Variants in DEFA4 observed in about 807,000 individuals in gnomAD.
DEFA4 encodes the protein corticostatin.
Under a neutral mutation model 4.4 loss-of-function variants are expected in DEFA4, and 8 were observed. The ratio of observed to expected loss-of-function variants is 1.82; its 90% confidence interval spans 1.07 to 3.29. DEFA4 has a LOEUF of 3.29. DEFA4 is among the 30% of genes most tolerant of loss of function. DEFA4 has a pLI of 0.00. For missense variants in DEFA4, 216 were observed against 127.0 expected (o/e 1.70, Z -3.37); for synonymous variants, 77 against 46.5 (o/e 1.66, Z -2.67).
intron 2 of DEFA4, among the ~76,000 whole-genome samples, chr8:6,936,457 CT>C (rs1808853835): frequency 6.6e-6 from 1 of 152,162 alleles, no homozygotes; most frequent in Non-Finnish European, 1.5e-5. Context: ...ATAATATCTA[CT>C]TGTTTAGATC....
intron 2 of DEFA4, 111 bp from the exon 3 acceptor site, chr8:6,936,252 G>C (rs1808845326): frequency 7.1e-7 from 1 of 1,413,076 alleles, no homozygotes; most frequent in African/African-American, 1.4e-5. Flanking sequence ...GGCTGCATTA[G>C]TGCCGGTAGC....
At chr8:6,936,682 T>A (rs1251177450) in intron 2 of DEFA4, 46 bp downstream of exon 2, 3 of 1,499,572 alleles carry the variant, frequency 2.0e-6, no homozygotes, top group African/African-American at 2.8e-5. Context: ...CCATCTCCCA[T>A]CCGTCTCTCT....
At position 6,936,008 on chromosome 8, in the gene DEFA4, G is replaced by C. The variant is rs1292014510; in HGVS notation, c.*12C>G. On this transcript the variant is annotated 3_prime_UTR_variant, in exon 3 of 3. Transcript: ENST00000297435. ...GCGTTCCCAGCATGACATTCTCTTG[G>C]ACAGCAGAACGTTAATCGACACGCG... 3.7e-6 allele frequency: 6 copies of C among 1,613,560 alleles called. No homozygotes were observed. Among genetic ancestry groups the C allele is most frequent in the Non-Finnish European group, 2.5e-6 (3 of 1,179,744 alleles).
chr8:6,938,191 C>A (rs1264752075), intron 1 of DEFA4, 35 bp downstream of exon 1: 1 of 152,140 alleles, frequency 6.6e-6, no homozygotes, highest in Non-Finnish European at 1.5e-5. Context: ...AATATTGAAA[C>A]CTCAATGTGA....
At chr8:6,937,544 T>C (rs1423207219) in intron 1 of DEFA4, among the ~76,000 whole-genome samples, 1 of 151,708 alleles carries the variant, frequency 6.6e-6, no homozygotes, top group African/African-American at 2.4e-5. Flanking sequence ...GCTAGGTGCA[T>C]ACACGTGGTC....
chr8:6,935,930 C>G lies in DEFA4; in HGVS notation c.*90G>C. Reference sequence around the variant, plus strand: ...AAGCAAATTATGAGCTCATTTTTCTCTATTCTGCAAGCTCAGCTGCAGAAG... The same window carrying G: ...AAGCAAATTATGAGCTCATTTTTCTGTATTCTGCAAGCTCAGCTGCAGAAG... On this transcript the variant is annotated 3_prime_UTR_variant, in exon 3 of 3. Transcript: ENST00000297435. The G allele has an allele frequency of 3.2e-6, 5 of 1,582,730 alleles. No individual in the cohort carries two copies. The highest frequency in any genetic ancestry group is 4.3e-6 in the Non-Finnish European group (5 of 1,155,262).
Position 6,936,891 on chromosome 8 carries a change from A to G in DEFA4, c.9T>C (p.Ile3=), listed in dbSNP as rs775138256. Reference sequence around the variant, plus strand: ...AGAGAATAGCAGCGAGGAGGGCGATAATCCTCATGGCTGGGGTGACCTGGA... The same window carrying G: ...AGAGAATAGCAGCGAGGAGGGCGATGATCCTCATGGCTGGGGTGACCTGGA... MR[I]IALLAAILLV... The change falls in exon 2 of 3, where the codon ATT becomes ATC. Residue 3 remains isoleucine, a synonymous_variant. Coordinates refer to ENST00000297435, the MANE Select transcript of DEFA4 (RefSeq NM_001925.3). 4 of 1,604,492 alleles carry G rather than the reference A, an allele frequency of 2.5e-6. No homozygotes were observed. The highest frequency in any genetic ancestry group is 1.1e-5 in the South Asian group (1 of 89,372).
At chr8:6,937,751 T>C (rs1046135404) in intron 1 of DEFA4, among the ~76,000 whole-genome samples, 6 of 152,136 alleles carry the variant, frequency 3.9e-5, no homozygotes, top group Non-Finnish European at 8.8e-5. Flanking sequence ...CAAGCGGGGC[T>C]GCATTGAACG....
intron 1 of DEFA4, among the ~76,000 whole-genome samples, chr8:6,937,497 G>A (rs1265543170): frequency 6.6e-6 from 1 of 152,160 alleles, no homozygotes; most frequent in East Asian, 1.9e-4. Flanking sequence ...AATGAGCTCA[G>A]TGAGAGAGAT....
At chr8:6,936,162 T>A (rs760899482) in intron 2 of DEFA4, 21 bp from the exon 3 acceptor site, 1 of 1,612,506 alleles carries the variant, frequency 6.2e-7, no homozygotes, top group South Asian at 1.1e-5. Flanking sequence ...AGAGGAAGCA[T>A]GAGAAATTAA....
rs749444927 is a variant in DEFA4, at chr8:6,936,028, C to T, written c.286G>A (p.Val96Ile). 1 of 1,613,888 alleles carries T rather than the reference C, an allele frequency of 6.2e-7. No individual in the cohort carries two copies. The highest frequency in any genetic ancestry group is 1.1e-5 in the South Asian group (1 of 90,976). ...TCTTGGACAGCAGAACGTTAATCGA[C>T]ACGCGTGCAGCAGTATGTGAAACTC... The part of the protein sequence containing the change: ...GVSFTYCCTR[V>I]D The change falls in exon 3 of 3, where the codon GTC (valine) becomes ATC (isoleucine). Residue 96 changes from valine (V) to isoleucine (I), a missense_variant. Transcript: ENST00000297435.
chr8:6,935,909 A>G lies in DEFA4; in HGVS notation c.*111T>C. The G allele has an allele frequency of 6.6e-7, 1 of 1,508,612 alleles. No homozygotes were observed. The allele number at this position is 1,508,612 out of a possible 1,614,324, so 93.5% of individuals were successfully genotyped here. ...AACCATTTCCTGTAGCTCTCAAAGCAAATTATGAGCTCATTTTTCTCTATT... is the reference window on the plus strand; with the variant it reads ...AACCATTTCCTGTAGCTCTCAAAGCGAATTATGAGCTCATTTTTCTCTATT... On this transcript the variant is annotated 3_prime_UTR_variant, in exon 3 of 3. Transcript: ENST00000297435.
At chr8:6,937,549 G>A (rs1165358830) in intron 1 of DEFA4, among the ~76,000 whole-genome samples, 4 of 151,568 alleles carry the variant, frequency 2.6e-5, no homozygotes, top group African/African-American at 9.8e-5. Flanking sequence ...GTGCATACAC[G>A]TGGTCCTTTC....
intron 2 of DEFA4, 75 bp downstream of exon 2, chr8:6,936,653 T>G: frequency 3.0e-5 from 42 of 1,401,576 alleles, no homozygotes; most frequent in South Asian, 3.4e-5. Context: ...CATCCACCAT[T>G]GAGATGTGAT....
At chr8:6,936,420 T>G (rs1376172171) in intron 2 of DEFA4, among the ~76,000 whole-genome samples, 3 of 152,172 alleles carry the variant, frequency 2.0e-5, no homozygotes, top group Non-Finnish European at 2.9e-5. Flanking sequence ...AAAATTTCCT[T>G]TGTTGGCAGA....
intron 1 of DEFA4, among the ~76,000 whole-genome samples, chr8:6,937,987 G>A (rs902191736): frequency 7.2e-5 from 11 of 152,168 alleles, no homozygotes; most frequent in African/African-American, 1.4e-4. Flanking sequence ...AGCTGTGATC[G>A]TCTTTATTGG....
chr8:6,935,985 G>T lies in DEFA4; in HGVS notation c.*35C>A. 1.9e-6 allele frequency: 3 copies of T among 1,611,762 alleles called. No homozygotes were observed. Among genetic ancestry groups the T allele is most frequent in the Non-Finnish European group, 2.5e-6 (3 of 1,178,162 alleles). ...TGAAGCTAACACCACCGATGATGGC[G>T]TTCCCAGCATGACATTCTCTTGGAC... On this transcript the variant is annotated 3_prime_UTR_variant, in exon 3 of 3. Coordinates refer to ENST00000297435, the MANE Select transcript of DEFA4 (RefSeq NM_001925.3).
intron 1 of DEFA4, among the ~76,000 whole-genome samples, chr8:6,937,296 T>A (rs910497719): frequency 2.0e-5 from 3 of 152,160 alleles, no homozygotes; most frequent in East Asian, 1.9e-4. Context: ...TATTTCCTGA[T>A]AATGGGCCCT....
chr8:6,936,360 C>T (rs1011227325), intron 2 of DEFA4, among the ~76,000 whole-genome samples: 1 of 152,140 alleles, frequency 6.6e-6, no homozygotes. Context: ...TGTGCTTTTG[C>T]CCCATCAGAC....
Sources: allele counts gnomAD v4.1 joint callset (sites outside exome capture counted in the v4.1 genomes callset), GRCh38; gene constraint gnomAD v4.1.1; transcripts MANE v1.5; gene names NCBI Gene and HGNC (gene_info 2026-07-23, HGNC 2026-07-21).